The following SLC39A11 variants were observed in gnomAD, a reference collection of about 807,000 sequenced individuals.
SLC39A11 encodes the protein solute carrier family 39 member 11, also known as zinc transporter ZIP11.
In SLC39A11, 33 loss-of-function variants were observed where a neutral mutation model predicts 36.1. The observed-to-expected ratio is 0.91, with a 90% confidence interval of 0.69 to 1.22. The LOEUF (loss-of-function observed/expected upper bound fraction) is 1.22, where lower values mean the gene tolerates loss of function less well. Among genes scored for constraint, SLC39A11 ranks in the 50% most tolerant of loss-of-function variants. The pLI is 0.00. For missense variants in SLC39A11, 432 were observed against 430.3 expected (o/e 1.00, Z -0.03); for synonymous variants, 166 against 170.3 (o/e 0.97, Z 0.20).
At chr17:72,935,948 G>GCA (rs1412878996) in intron 5 of SLC39A11, among the ~76,000 whole-genome samples, 2 of 151,348 alleles carry the variant, frequency 1.3e-5, no homozygotes, top group African/African-American at 4.8e-5. Context: ...TATAATCCCA[G>GCA]CACTTTGGGA....
chr17:72,660,213 C>G (rs75483715), intron 7 of SLC39A11, among the ~76,000 whole-genome samples: 4,912 of 152,330 alleles, frequency 0.032, 141 homozygotes, highest in Non-Finnish European at 0.048. Context: ...GGAGACCCCA[C>G]TGCAACCGCC....
At chr17:72,688,682 G>A (rs2071869677) in intron 7 of SLC39A11, among the ~76,000 whole-genome samples, 1 of 152,158 alleles carries the variant, frequency 6.6e-6, no homozygotes, top group Non-Finnish European at 1.5e-5. Flanking sequence ...ATAGGGTAAG[G>A]GATAGTTCCA....
At chr17:72,997,767 T>C (rs1447008552) in intron 4 of SLC39A11, among the ~76,000 whole-genome samples, 1 of 152,240 alleles carries the variant, frequency 6.6e-6, no homozygotes, top group East Asian at 1.9e-4. Context: ...TTGTCTACGC[T>C]AGCCATCCAT....
chr17:72,776,921 G>A (rs1310287162), intron 6 of SLC39A11, among the ~76,000 whole-genome samples: 2 of 152,150 alleles, frequency 1.3e-5, no homozygotes, highest in Non-Finnish European at 2.9e-5. Context: ...CCCTAGCTTT[G>A]AAGCTGACTT....
rs901858150 is a variant in SLC39A11, at chr17:72,932,642, C to T, written c.430+15110G>A. Among the ~76,000 whole-genome samples the T allele has an allele frequency of 4.6e-5, 7 of 152,236 alleles. No individual in the cohort carries two copies. In the South Asian group the frequency reaches 1.0e-3, roughly 23 times the overall value. ...TCCAATATGGGCATCAAAATCCCCA[C>T]GGTCTGGGCCAAAAAATTCCTACAT... On this transcript the variant is annotated intron_variant, in intron 5 of 9. Coordinates refer to ENST00000255559, the MANE Select transcript of SLC39A11 (RefSeq NM_139177.4).
intron 6 of SLC39A11, among the ~76,000 whole-genome samples, chr17:72,757,643 A>ATTTT (rs568776835): frequency 7.1e-6 from 1 of 140,782 alleles, no homozygotes. Flanking sequence ...TGTCTGGCAC[A>ATTTT]TTTTTTTTTT....
At chr17:73,057,319 C>T (rs1054628809) in intron 3 of SLC39A11, among the ~76,000 whole-genome samples, 19 of 152,158 alleles carry the variant, frequency 1.2e-4, no homozygotes, top group Admixed American at 7.9e-4. Flanking sequence ...ATGAATCAAA[C>T]ATTGCCTCTT....
chr17:72,648,920 ACCCCGG>A lies in SLC39A11; in HGVS notation c.806_811del (p.Ala269_Gly270del), dbSNP rs746036950. ...CAGCACCACGGCAAAGGCACCAAAG[ACCCCGG>A]CCAGGGGCTCCACCATGCCGCTCAG... On this transcript the variant is annotated inframe_deletion, in exon 9 of 10. Coordinates refer to ENST00000255559, the MANE Select transcript of SLC39A11 (RefSeq NM_139177.4). 1 of 1,613,596 alleles carries A rather than the reference ACCCCGG, an allele frequency of 6.2e-7. No homozygotes were observed. The highest frequency in any genetic ancestry group is 2.2e-5 in the East Asian group (1 of 44,846).
At position 72,655,892 on chromosome 17, in the gene SLC39A11, T is replaced by C. The variant is rs373210274; in HGVS notation, c.672-6624A>G. ...GAGCTGACTTAGGAGCTGTGGGGCC[T>C]AGACTGGCTGGAGGATGGGAAACTG... On this transcript the variant is annotated intron_variant, in intron 7 of 9. Coordinates refer to ENST00000255559, the MANE Select transcript of SLC39A11 (RefSeq NM_139177.4). 1.2e-4 allele frequency among the ~76,000 whole-genome samples: 18 copies of C among 152,166 alleles called. No homozygotes were observed. The East Asian group carries it at 2.7e-3, about 23-fold the overall frequency.
At chr17:72,939,399 C>A (rs889257547) in intron 5 of SLC39A11, among the ~76,000 whole-genome samples, 1 of 150,096 alleles carries the variant, frequency 6.7e-6, no homozygotes, top group African/African-American at 2.5e-5. Flanking sequence ...GCGGAGGTTG[C>A]AGTGAGCTGA....
At chr17:72,997,563 C>G (rs1032404915) in intron 4 of SLC39A11, among the ~76,000 whole-genome samples, 28 of 152,308 alleles carry the variant, frequency 1.8e-4, no homozygotes, top group Admixed American at 5.2e-4. Context: ...AGAGTAGCCC[C>G]CTCTTATCCA....
intron 3 of SLC39A11, among the ~76,000 whole-genome samples, chr17:73,054,887 C>T (rs371006036): frequency 4.0e-5 from 6 of 151,332 alleles, no homozygotes; most frequent in African/African-American, 1.5e-4. Context: ...TCAATCCCAT[C>T]GTGGAGGGGG....
chr17:73,011,241 A>C (rs2090496189), intron 4 of SLC39A11, among the ~76,000 whole-genome samples: 1 of 152,240 alleles, frequency 6.6e-6, no homozygotes, highest in Non-Finnish European at 1.5e-5. Flanking sequence ...AACACCGCAG[A>C]GGCGGTGCCC....
intron 6 of SLC39A11, among the ~76,000 whole-genome samples, chr17:72,816,646 T>G (rs928257796): frequency 6.6e-6 from 1 of 152,168 alleles, no homozygotes; most frequent in Admixed American, 6.5e-5. Flanking sequence ...GAGCTGGTCA[T>G]GCACAGAGAA....
intron 6 of SLC39A11, among the ~76,000 whole-genome samples, chr17:72,815,572 A>C (rs2077555812): frequency 6.6e-6 from 1 of 150,798 alleles, no homozygotes; most frequent in African/African-American, 2.4e-5. Context: ...AGCCGAGATC[A>C]CACCACTGCA....
At chr17:72,699,564 C>T (rs570185159) in intron 7 of SLC39A11, among the ~76,000 whole-genome samples, 1 of 152,344 alleles carries the variant, frequency 6.6e-6, no homozygotes, top group South Asian at 2.1e-4. Context: ...TCATTAATAA[C>T]AGCTGCCTCC....
chr17:72,875,503 G>A (rs2080855931), intron 5 of SLC39A11, among the ~76,000 whole-genome samples: 2 of 152,098 alleles, frequency 1.3e-5, no homozygotes, highest in African/African-American at 4.8e-5. Context: ...AGAGTTTTAT[G>A]GAAAAGCTAT....
At chr17:72,880,966 C>T (rs2081171596) in intron 5 of SLC39A11, among the ~76,000 whole-genome samples, 1 of 146,232 alleles carries the variant, frequency 6.8e-6, no homozygotes, top group Admixed American at 6.8e-5. Flanking sequence ...CAGGCGTGAG[C>T]CTCTGCACCC....
chr17:72,886,623 C>T (rs2081449118), intron 5 of SLC39A11, among the ~76,000 whole-genome samples: 1 of 152,186 alleles, frequency 6.6e-6, no homozygotes, highest in African/African-American at 2.4e-5. Context: ...ACATAGCCAC[C>T]CAAACAATAC....
Sources: gnomAD v4.1 joint callset for allele counts (sites outside exome capture counted in the v4.1 genomes callset) on GRCh38, gnomAD v4.1.1 for gene constraint, MANE v1.5 for transcripts, NCBI Gene and HGNC (gene_info 2026-07-23, HGNC 2026-07-21) for gene names.